CADM1: variants seen among roughly 807,000 people sequenced by gnomAD.
CADM1 encodes the protein cell adhesion molecule 1.
Under a neutral mutation model 53.1 loss-of-function variants are expected in CADM1, and 15 were observed. The ratio of observed to expected loss-of-function variants is 0.28; its 90% CI spans 0.19 to 0.44. The LOEUF is 0.44. Among genes scored for constraint, CADM1 ranks in the 20% least tolerant of loss-of-function variants. The pLI is 1.00. For missense variants in CADM1, 434 were observed against 611.3 expected, an observed-to-expected ratio of 0.71 and a Z score of 3.06; for synonymous variants, 281 against 243.0, an observed-to-expected ratio of 1.16 and a Z score of -1.45.
chr11:115,465,494 T>A (rs1021596096), intron 1 of CADM1, among the ~76,000 whole-genome samples: 3 of 152,122 alleles, frequency 2.0e-5, no homozygotes, highest in Non-Finnish European at 4.4e-5. Flanking sequence ...AGGAAATAAA[T>A]GTATTTAGGT....
At chr11:115,272,665 G>A (rs1411112963) in intron 1 of CADM1, among the ~76,000 whole-genome samples, 4 of 145,758 alleles carry the variant, frequency 2.7e-5, no homozygotes, top group African/African-American at 7.6e-5. Flanking sequence ...TTATTTCTAC[G>A]ATGAAACACT....
intron 1 of CADM1, among the ~76,000 whole-genome samples, chr11:115,301,122 T>C (rs1944209822): frequency 6.6e-6 from 1 of 152,114 alleles, no homozygotes; most frequent in Non-Finnish European, 1.5e-5. Context: ...TAGGATGATT[T>C]CAGCATCAGC....
chr11:115,481,108 AT>A (rs1257641084), intron 1 of CADM1, among the ~76,000 whole-genome samples: 1 of 152,014 alleles, frequency 6.6e-6, no homozygotes, highest in Non-Finnish European at 1.5e-5. Flanking sequence ...ACACCTCCTT[AT>A]TTCCAGTCCC....
In CADM1 at chr11:115,308,192, G is replaced by GTATATATATA. The variant is rs1387092815; in HGVS notation, c.125-67773_125-67772insTATATATATA. Among the ~76,000 whole-genome samples, 679 of 70,462 alleles carry GTATATATATA rather than the reference G, an allele frequency of 9.6e-3. 11 individuals carry two copies. The highest frequency in any genetic ancestry group is 0.041 in the African/African-American group (646 of 15,754). 46.2% of individuals were successfully genotyped at this position (70,462 alleles called of 152,430 possible). Reference sequence around the variant, plus strand: ...GTGTGTGTGTATATCACTCATAGGTGTGTATATATATATATATATACACAC... The same window carrying GTATATATATA: ...GTGTGTGTGTATATCACTCATAGGTGTATATATATATGTATATATATATATATATACACAC... On this transcript the variant is annotated intron_variant, in intron 1 of 11. Coordinates refer to ENST00000331581, the MANE Select transcript of CADM1 (RefSeq NM_001301043.2).
intron 1 of CADM1, among the ~76,000 whole-genome samples, chr11:115,274,306 G>T (rs1187780266): frequency 1.3e-5 from 2 of 152,214 alleles, no homozygotes; most frequent in Non-Finnish European, 2.9e-5. Context: ...TGGCACAGGT[G>T]CTTAAGCACG....
At chr11:115,365,870 A>G (rs144019651) in intron 1 of CADM1, among the ~76,000 whole-genome samples, 77 of 152,354 alleles carry the variant, frequency 5.1e-4, no homozygotes, top group African/African-American at 1.8e-3. Context: ...GACCATTTAG[A>G]AATTCAGGAT....
chr11:115,451,079 A>T (rs1170538997), intron 1 of CADM1, among the ~76,000 whole-genome samples: 2 of 152,256 alleles, frequency 1.3e-5, no homozygotes, highest in Admixed American at 6.5e-5. Context: ...AATAATCTGG[A>T]AATAAAAATA....
chr11:115,277,818 C>G (rs1410968020), intron 1 of CADM1, among the ~76,000 whole-genome samples: 1 of 152,102 alleles, frequency 6.6e-6, no homozygotes, highest in Non-Finnish European at 1.5e-5. Context: ...GCTGTACAGA[C>G]AGAATAGACA....
At chr11:115,182,182 G>C (rs1024991451) in intron 10 of CADM1, among the ~76,000 whole-genome samples, 1 of 152,232 alleles carries the variant, frequency 6.6e-6, no homozygotes, top group Admixed American at 6.5e-5. Context: ...TTTCTGAATC[G>C]GGCAGGCAAC....
chr11:115,442,631 T>C (rs957364959), intron 1 of CADM1, among the ~76,000 whole-genome samples: 1 of 152,190 alleles, frequency 6.6e-6, no homozygotes, highest in African/African-American at 2.4e-5. Context: ...CTATCACTCC[T>C]GGGAAAGAAA....
At chr11:115,301,912 T>C (rs1234401229) in intron 1 of CADM1, among the ~76,000 whole-genome samples, 1 of 152,128 alleles carries the variant, frequency 6.6e-6, no homozygotes, top group East Asian at 1.9e-4. Flanking sequence ...CTTGAGAACA[T>C]ATATATTTCT....
chr11:115,338,195 G>A (rs944942673), intron 1 of CADM1, among the ~76,000 whole-genome samples: 4 of 152,120 alleles, frequency 2.6e-5, no homozygotes, highest in East Asian at 1.9e-4. Flanking sequence ...TGCTAGAAAC[G>A]ATTCTAAGTA....
intron 1 of CADM1, among the ~76,000 whole-genome samples, chr11:115,407,108 C>T (rs1488991176): frequency 6.6e-6 from 1 of 151,968 alleles, no homozygotes; most frequent in African/African-American, 2.4e-5. Flanking sequence ...TGAATTTCAC[C>T]AGGATTAACT....
At chr11:115,357,696 C>T (rs1945913130) in intron 1 of CADM1, among the ~76,000 whole-genome samples, 1 of 152,144 alleles carries the variant, frequency 6.6e-6, no homozygotes, top group Non-Finnish European at 1.5e-5. Context: ...GCACAGCACC[C>T]AGCATATGGC....
intron 1 of CADM1, among the ~76,000 whole-genome samples, chr11:115,247,825 G>A (rs1591640246): frequency 6.6e-6 from 1 of 152,242 alleles, no homozygotes; most frequent in South Asian, 2.1e-4. Context: ...ACAGCTATAA[G>A]GCCAACAAAA....
intron 1 of CADM1, chr11:115,399,079 GTTA>G (rs1018121076): frequency 6.6e-6 from 1 of 152,158 alleles, no homozygotes; most frequent in Non-Finnish European, 1.5e-5. Flanking sequence ...CTGATACGTA[GTTA>G]TTATTACACC....
chr11:115,373,553 C>T lies in CADM1; in HGVS notation c.124+130718G>A, dbSNP rs1946360949. Among the ~76,000 whole-genome samples the T allele has an allele frequency of 3.2e-5, 4 of 125,302 alleles. No individual in the cohort carries two copies. In the South Asian group the frequency reaches 9.7e-4, roughly 30 times the overall value. The allele number at this position is 125,302 out of a possible 152,430, so 82.2% of individuals were successfully genotyped here. On this transcript the variant is annotated intron_variant, in intron 1 of 11. Coordinates refer to ENST00000331581, the MANE Select transcript of CADM1 (RefSeq NM_001301043.2). ...TGACCCAGATCATGCCACTGCAGTC[C>T]AGCCTGGGTGACAGAGCAAGACTCT...
In CADM1 at chr11:115,316,533, A is replaced by G. The variant is rs201775480; in HGVS notation, c.125-76113T>C. ...CCTCTTGCTAAAGCCAAGAGGAGAC[A>G]TGGGCACAAAAGTAGCAGCAAATGC... On this transcript the variant is annotated intron_variant, in intron 1 of 11. Transcript: ENST00000331581. Among the ~76,000 whole-genome samples the G allele has an allele frequency of 2.8e-4, 43 of 152,260 alleles. No homozygotes were observed. In the East Asian group the frequency reaches 4.1e-3, roughly 14 times the overall value.
chr11:115,235,228 G>A (rs1365806956), intron 3 of CADM1, among the ~76,000 whole-genome samples: 2 of 149,876 alleles, frequency 1.3e-5, no homozygotes, highest in Non-Finnish European at 3.0e-5. Flanking sequence ...ATTTAAATCT[G>A]CTTTTCTGAA....
Sources: allele counts gnomAD v4.1 joint callset (sites outside exome capture counted in the v4.1 genomes callset), GRCh38; gene constraint gnomAD v4.1.1; transcripts MANE v1.5; gene names NCBI Gene and HGNC (gene_info 2026-07-23, HGNC 2026-07-21).